Variants in KCNQ1 observed in about 807,000 individuals in gnomAD.
KCNQ1 encodes potassium voltage-gated channel subfamily KQT member 1.
A neutral mutation model predicts 72.4 loss-of-function variants in KCNQ1; 49 were observed. That is an observed-to-expected ratio of 0.68 (90% CI 0.54 to 0.86). The LOEUF (loss-of-function observed/expected upper bound fraction) is 0.86. Ranked by LOEUF, KCNQ1 falls within the 40% of genes least tolerant of loss-of-function variation. The pLI is 0.00. For missense variants in KCNQ1, 790 were observed against 945.1 expected (o/e 0.84, Z 2.15); for synonymous variants, 450 against 412.6 (o/e 1.09, Z -1.10).
chr11:2,582,119 G>A (rs773419486), intron 6 of KCNQ1, among the ~76,000 whole-genome samples: 1 of 152,214 alleles, frequency 6.6e-6, no homozygotes, highest in Non-Finnish European at 1.5e-5. Context: ...CGTGCTCATC[G>A]GTACAGCCTG....
intron 11 of KCNQ1, among the ~76,000 whole-genome samples, chr11:2,733,818 T>TCTCC (rs1845899626): frequency 4.4e-5 from 1 of 22,552 alleles, no homozygotes; most frequent in Non-Finnish European, 1.1e-4. Flanking sequence ...ACACACACTC[T>TCTCC]CTCACTCTCT....
In KCNQ1 at chr11:2,711,293, C is replaced by A. The variant is rs1163255596; in HGVS notation, c.1514+49212C>A. Among the ~76,000 whole-genome samples, 1 of 152,202 alleles carries A rather than the reference C, an allele frequency of 6.6e-6. No homozygotes were observed. The highest frequency in any genetic ancestry group is 2.4e-5 in the African/African-American group (1 of 41,440). On this transcript the variant is annotated intron_variant, in intron 11 of 15. Transcript: ENST00000155840. This position sits in a 1 kb window ranked among gnomAD's most constrained non-coding sequence, Gnocchi z 5.4. ...CCAGCCCATCTCCCTTGGAGTCTCT[C>A]CCCGACTCCAGGGCTCATGGCCCCT...
chr11:2,842,736 A>G (rs1051549213), intron 15 of KCNQ1, among the ~76,000 whole-genome samples: 2 of 152,220 alleles, frequency 1.3e-5, no homozygotes, highest in Non-Finnish European at 2.9e-5. Flanking sequence ...GGCCACAGGC[A>G]TACATGTGCA....
In KCNQ1 at chr11:2,615,039, T is replaced by A. The variant is rs187053709; in HGVS notation, c.1393+26185T>A. On this transcript the variant is annotated intron_variant, in intron 10 of 15. Transcript: ENST00000155840. ...CAATCTGTGAACACAGGATGTATAG[T>A]TCTATTTATTTAAGTCTTCTTTAAT... 3.5e-3 allele frequency: 1,387 copies of A among 398,378 alleles called. 5 individuals carry two copies. Among genetic ancestry groups the A allele is most frequent in the Non-Finnish European group, 5.2e-3 (1,164 of 225,918 alleles). 24.7% of individuals were successfully genotyped at this position (398,378 alleles called of 1,614,324 possible).
intron 11 of KCNQ1, among the ~76,000 whole-genome samples, chr11:2,738,505 C>T (rs572396886): frequency 6.6e-6 from 1 of 152,336 alleles, no homozygotes; most frequent in Admixed American, 6.5e-5. Context: ...GGCAGAGACC[C>T]TGGCCAGAGC....
Position 2,445,244 on chromosome 11 carries a change from C to T in KCNQ1, c.146C>T (p.Ala49Val). 8.5e-7 allele frequency: 1 copy of T among 1,175,300 alleles called. No individual in the cohort carries two copies. The highest frequency in any genetic ancestry group is 1.6e-5 in the African/African-American group (1 of 61,412). 72.8% of individuals were successfully genotyped at this position (1,175,300 alleles called of 1,614,324 possible). The change falls in exon 1 of 16, where the codon GCG becomes GTG. Residue 49 changes from alanine (A) to valine (V), a missense_variant. By Grantham distance (64) the Ala-to-Val change is moderately conservative (BLOSUM62 0). Transcript: ENST00000155840. ...ELAEGGPAGG[A>V]LYAPIAPGAP... is the part of the protein sequence containing the mutation. Reference sequence around the variant, plus strand: ...GCGGAGGGCGGCCCGGCGGGCGGCGCGCTCTACGCGCCCATCGCGCCCGGC... The same window carrying T: ...GCGGAGGGCGGCCCGGCGGGCGGCGTGCTCTACGCGCCCATCGCGCCCGGC...
rs1168000960 is a variant in KCNQ1 at position 2,723,622 on chromosome 11, T to G, written c.1515-45222T>G. On this transcript the variant is annotated intron_variant, in intron 11 of 15. Coordinates refer to ENST00000155840, the MANE Select transcript of KCNQ1 (RefSeq NM_000218.3). The surrounding 1 kb of genome is among the most constrained non-coding windows in gnomAD (Gnocchi z 4.2). The stretch of plus-strand genomic sequence containing the variant: ...CAGCCTCAAACTCAGCAGCTCGAAG[T>G]AGCAACAGCCTCGAATCCCTCACAC... 6.6e-6 allele frequency among the ~76,000 whole-genome samples: 1 copy of G among 152,168 alleles called. No homozygotes were observed. Among genetic ancestry groups the G allele is most frequent in the Admixed American group, 6.5e-5 (1 of 15,280 alleles).
At chr11:2,625,360 A>G (rs1018040059) in intron 10 of KCNQ1, 120 of 398,470 alleles carry the variant, frequency 3.0e-4, no homozygotes, top group Admixed American at 4.4e-4. Flanking sequence ...GGCTTAGGCT[A>G]TCCTCCCACC....
chr11:2,834,767 G>A (rs1475562859), intron 15 of KCNQ1, among the ~76,000 whole-genome samples: 4 of 152,198 alleles, frequency 2.6e-5, no homozygotes, highest in Admixed American at 1.3e-4. Context: ...TGCCAGGCAG[G>A]GCCAAGCTGG....
rs906221520 is a variant in KCNQ1 at position 2,608,123 on chromosome 11, T to C, written c.1393+19269T>C. On this transcript the variant is annotated intron_variant, in intron 10 of 15. Coordinates refer to ENST00000155840, the MANE Select transcript of KCNQ1 (RefSeq NM_000218.3). The surrounding 1 kb of genome is among the most constrained non-coding windows in gnomAD (Gnocchi z 4.6). ...TCTGGTTTTGGTGTCAGGGTGATAC[T>C]GGACTGAAAGAATGTATTGGAAAAA... Among the ~76,000 whole-genome samples the C allele has an allele frequency of 2.0e-5, 3 of 152,248 alleles. No individual in the cohort carries two copies. The highest frequency in any genetic ancestry group is 1.3e-4 in the Admixed American group (2 of 15,290).
chr11:2,472,527 A>C (rs1846501422), intron 1 of KCNQ1, among the ~76,000 whole-genome samples: 1 of 152,088 alleles, frequency 6.6e-6, no homozygotes, highest in Non-Finnish European at 1.5e-5. Context: ...TTACCCAGAG[A>C]AGGAGGGTCG....
At position 2,445,404 on chromosome 11, in the gene KCNQ1, G is replaced by C; in HGVS notation, c.306G>C (p.Ala102=). 1 of 1,597,888 alleles carries C rather than the reference G, an allele frequency of 6.3e-7. No homozygotes were observed. The highest frequency in any genetic ancestry group is 8.5e-7 in the Non-Finnish European group (1 of 1,179,682). Reference sequence around the variant, plus strand: ...ACAGCACGCGCCGCCCGGTGTTGGCGCGCACCCACGTCCAGGGCCGCGTCT... The same window carrying C: ...ACAGCACGCGCCGCCCGGTGTTGGCCCGCACCCACGTCCAGGGCCGCGTCT... ...SIYSTRRPVL[A]RTHVQGRVYN... is the part of the protein sequence containing the mutation. Residue 102 remains alanine (A), a synonymous_variant, in exon 1 of 16, where the codon GCG becomes GCC. Coordinates refer to ENST00000155840, the MANE Select transcript of KCNQ1 (RefSeq NM_000218.3).
chr11:2,456,964 A>C (rs899775575), intron 1 of KCNQ1, among the ~76,000 whole-genome samples: 6 of 149,438 alleles, frequency 4.0e-5, no homozygotes, highest in Admixed American at 6.7e-5. Flanking sequence ...AAAAAAAAAA[A>C]ACCCAAAAAA....
chr11:2,720,058 C>T lies in KCNQ1; in HGVS notation c.1515-48786C>T, dbSNP rs1851176499. Among the ~76,000 whole-genome samples, 1 of 152,226 alleles carries T rather than the reference C, an allele frequency of 6.6e-6. No homozygotes were observed. Among genetic ancestry groups the T allele is most frequent in the South Asian group, 2.1e-4 (1 of 4,834 alleles). On this transcript the variant is annotated intron_variant, in intron 11 of 15. Transcript: ENST00000155840. This position sits in a 1 kb window ranked among gnomAD's most constrained non-coding sequence, Gnocchi z 5.1. ...AAAATGTCCCAAAACAAGTCCCTTA[C>T]TGTCCGTGTCCCTCCATGCCAGCTC...
chr11:2,703,813 C>G lies in KCNQ1; in HGVS notation c.1514+41732C>G, dbSNP rs537204250. 5.9e-5 allele frequency among the ~76,000 whole-genome samples: 9 copies of G among 152,316 alleles called. No homozygotes were observed. The East Asian group carries it at 1.7e-3, about 29-fold the overall frequency. Reference sequence around the variant, plus strand: ...CTCAATTCTCTCCCTACCCTGCCCCCACCCTCGGAGTCTAAGGGTGGAACC... The same window carrying G: ...CTCAATTCTCTCCCTACCCTGCCCCGACCCTCGGAGTCTAAGGGTGGAACC... On this transcript the variant is annotated intron_variant, in intron 11 of 15. Coordinates refer to ENST00000155840, the MANE Select transcript of KCNQ1 (RefSeq NM_000218.3). The surrounding 1 kb of genome is among the most constrained non-coding windows in gnomAD (Gnocchi z 6.4).
intron 2 of KCNQ1, 26 bp downstream of exon 2, chr11:2,528,044 G>A (rs1221823911): frequency 1.3e-6 from 2 of 1,571,722 alleles, no homozygotes; most frequent in Non-Finnish European, 1.7e-6. Flanking sequence ...GGGCATGGCT[G>A]GATGTCATGG....
chr11:2,545,107 A>C (rs929611454), intron 2 of KCNQ1, among the ~76,000 whole-genome samples: 3 of 152,198 alleles, frequency 2.0e-5, no homozygotes, highest in African/African-American at 7.2e-5. Context: ...ATTCATTTTC[A>C]CAGGTTCTGT....
chr11:2,738,725 G>A (rs1845999043), intron 11 of KCNQ1, among the ~76,000 whole-genome samples: 1 of 152,228 alleles, frequency 6.6e-6, no homozygotes, highest in African/African-American at 2.4e-5. Context: ...GCTGGGCCAG[G>A]CTGTCCTCCC....
rs1215647040 is a variant in KCNQ1, at chr11:2,674,553, C to T, written c.1514+12472C>T. 1.5e-5 allele frequency: 6 copies of T among 398,432 alleles called. No homozygotes were observed. The highest frequency in any genetic ancestry group is 3.6e-5 in the East Asian group (1 of 28,072). The allele number at this position is 398,432 out of a possible 1,614,324, so 24.7% of individuals were successfully genotyped here. A position where few individuals can be genotyped will look rare whatever the true frequency, so the allele number is the denominator to read the frequency against. ...ATTCGGAGGATTTAGACAAATACCT[C>T]GAGTGAGTGAATCTGAAGCATGCTA... On this transcript the variant is annotated intron_variant, in intron 11 of 15. Coordinates refer to ENST00000155840, the MANE Select transcript of KCNQ1 (RefSeq NM_000218.3). The surrounding 1 kb of genome is among the most constrained non-coding windows in gnomAD (Gnocchi z 5.9).
Sources: gnomAD v4.1 joint callset for allele counts (sites outside exome capture counted in the v4.1 genomes callset) on GRCh38, gnomAD v4.1.1 for gene constraint, Gnocchi (gnomAD v3.1) non-coding constraint, MANE v1.5 for transcripts, NCBI Gene and HGNC (gene_info 2026-07-23, HGNC 2026-07-21) for gene names.